Variants in CRBN observed in about 807,000 individuals in gnomAD.
The protein encoded by CRBN is protein cereblon.
A neutral mutation model predicts 62.2 loss-of-function variants in CRBN; 53 were observed. The ratio of observed to expected loss-of-function variants is 0.85; its 90% CI spans 0.68 to 1.07. CRBN has a LOEUF of 1.07. Ranked by LOEUF, CRBN falls within the 50% of genes least tolerant of loss-of-function variation. CRBN has a pLI of 0.00. For missense variants in CRBN, 616 were observed against 531.1 expected (o/e 1.16, Z -1.57); for synonymous variants, 208 against 176.1 (o/e 1.18, Z -1.43).
At chr3:3,173,866 T>C in intron 3 of CRBN, 193 bp downstream of exon 3, 5 of 617,824 alleles carry the variant, frequency 8.1e-6, no homozygotes, top group Non-Finnish European at 8.7e-6. Context: ...AGAGCTGAGT[T>C]AGATGGTAAT....
intron 9 of CRBN, 54 bp from the exon 10 acceptor site, chr3:3,152,641 T>G: frequency 8.1e-6 from 13 of 1,604,706 alleles, no homozygotes; most frequent in Non-Finnish European, 1.1e-5. Context: ...TCTAATTTTA[T>G]TAAATGCTTA....
chr3:3,177,728 A>G (rs1707883050), intron 1 of CRBN, among the ~76,000 whole-genome samples: 1 of 152,174 alleles, frequency 6.6e-6, no homozygotes. Context: ...TTCTTTAGTA[A>G]CCTTTTTTTC....
chr3:3,172,626 T>G (rs560247298), intron 4 of CRBN, 150 bp downstream of exon 4: 1 of 773,482 alleles, frequency 1.3e-6, no homozygotes, highest in East Asian at 2.6e-5. Flanking sequence ...CATAGCAAGG[T>G]TGGAAACCAC....
chr3:3,172,644 T>A (rs1232008416), intron 4 of CRBN, 132 bp downstream of exon 4: 20 of 935,160 alleles, frequency 2.1e-5, no homozygotes, highest in Non-Finnish European at 2.9e-5. Context: ...CACTGGGCTA[T>A]ACCTTAGAAG....
rs1401139815 is a variant in CRBN at position 3,150,876 on chromosome 3, G to A, written c.1318C>T (p.Leu440Phe). 3.7e-6 allele frequency: 6 copies of A among 1,613,532 alleles called. No homozygotes were observed. The highest frequency in any genetic ancestry group is 3.3e-5 in the South Asian group (3 of 91,058). ...EDEISPDKVI[L>F]CL ...TCTATCACATCTGTTTACAAGCAAA[G>A]TATTACTTTGTCTGGACTTATTTCA... The change falls in exon 11 of 11, where the codon CTT (leucine) becomes TTT (phenylalanine). Residue 440 changes from leucine to phenylalanine, a missense_variant. Leu to Phe is a conservative substitution (Grantham distance 22, BLOSUM62 0). Coordinates refer to ENST00000231948, the MANE Select transcript of CRBN (RefSeq NM_016302.4).
intron 4 of CRBN, among the ~76,000 whole-genome samples, chr3:3,168,761 G>A (rs1406501561): frequency 6.6e-6 from 1 of 152,128 alleles, no homozygotes; most frequent in Non-Finnish European, 1.5e-5. Context: ...GTGTTAGAAA[G>A]TATCTAAGTT....
intron 2 of CRBN, among the ~76,000 whole-genome samples, chr3:3,174,624 G>A (rs939953650): frequency 3.3e-5 from 5 of 151,902 alleles, no homozygotes; most frequent in Middle Eastern, 6.8e-3. Context: ...GAGCTTGGGC[G>A]ACAGAGCAAC....
chr3:3,155,163 G>C (rs1706829465), intron 6 of CRBN: 1 of 284,418 alleles, frequency 3.5e-6, no homozygotes, highest in African/African-American at 2.2e-5. Flanking sequence ...CAGTCCATAG[G>C]GATTATGGCA....
At chr3:3,162,558 T>C (rs1033665094) in intron 5 of CRBN, among the ~76,000 whole-genome samples, 1 of 152,184 alleles carries the variant, frequency 6.6e-6, no homozygotes, top group Non-Finnish European at 1.5e-5. Context: ...GTCAGAATGG[T>C]AGATAACACA....
intron 5 of CRBN, among the ~76,000 whole-genome samples, chr3:3,161,913 G>C (rs905396076): frequency 1.3e-5 from 2 of 152,124 alleles, no homozygotes; most frequent in African/African-American, 4.8e-5. Flanking sequence ...TAATACAAAA[G>C]AATCTCCTAT....
At position 3,150,968 on chromosome 3, in the gene CRBN, A is replaced by G. The variant is rs1445423460; in HGVS notation, c.1226T>C (p.Met409Thr). ...TAAGCCCCAAAATTTTTGAGGTGAC[A>G]TGTCTTTTTTGGTGGCCGTAAACTT... ...GWKFTATKKD[M>T]SPQKFWGLTR... Residue 409 changes from methionine (M) to threonine (T), a missense_variant, in exon 11 of 11, where the codon ATG becomes ACG. Met to Thr is a moderately conservative substitution (Grantham distance 81). Coordinates refer to ENST00000231948, the MANE Select transcript of CRBN (RefSeq NM_016302.4). 2.5e-6 allele frequency: 4 copies of G among 1,614,054 alleles called. No individual in the cohort carries two copies. The highest frequency in any genetic ancestry group is 2.2e-5 in the East Asian group (1 of 44,866).
intron 5 of CRBN, among the ~76,000 whole-genome samples, chr3:3,158,874 T>C (rs1267410801): frequency 6.6e-6 from 1 of 152,212 alleles, no homozygotes; most frequent in Non-Finnish European, 1.5e-5. Flanking sequence ...TCTTGAATTG[T>C]AGTTCCCATA....
intron 5 of CRBN, among the ~76,000 whole-genome samples, chr3:3,160,669 T>C (rs772421017): frequency 2.0e-5 from 3 of 152,312 alleles, no homozygotes; most frequent in Non-Finnish European, 2.9e-5. Flanking sequence ...TGAAACAGAT[T>C]CTCAAGTTCA....
At chr3:3,159,930 CA>C (rs1474096449) in intron 5 of CRBN, among the ~76,000 whole-genome samples, 2 of 152,280 alleles carry the variant, frequency 1.3e-5, no homozygotes, top group African/African-American at 4.8e-5. Flanking sequence ...TTAAATATAT[CA>C]ACACCATGAT....
intron 4 of CRBN, chr3:3,172,459 T>C (rs1353851320): frequency 8.7e-6 from 3 of 345,550 alleles, no homozygotes; most frequent in Non-Finnish European, 1.6e-5. Flanking sequence ...ACACTTCCCT[T>C]TGGATTTACA....
At chr3:3,157,921 A>G (rs1045392702) in intron 5 of CRBN, among the ~76,000 whole-genome samples, 3 of 152,236 alleles carry the variant, frequency 2.0e-5, no homozygotes, top group Admixed American at 6.5e-5. Flanking sequence ...TCAAGTGGAC[A>G]CACTGGTTTT....
rs797045482 is a variant in CRBN, at chr3:3,179,654, G to C, written c.34C>G (p.His12Asp). 2.1e-5 allele frequency: 34 copies of C among 1,613,098 alleles called. 1 individual carries two copies. The highest frequency in any genetic ancestry group is 1.2e-4 in the Admixed American group (7 of 59,984). Residue 12 changes from histidine (H) to aspartate (D), a missense_variant, in exon 1 of 11, where the codon CAC becomes GAC. Transcript: ENST00000231948. Reference sequence around the variant, plus strand: ...AGCGGCAGGTGGTTGCCCATGTTGTGCGCAGCGTCCTGCTGATCTCCTTCG... The same window carrying C: ...AGCGGCAGGTGGTTGCCCATGTTGTCCGCAGCGTCCTGCTGATCTCCTTCG... ...AGEGDQQDAA[H>D]NMGNHLPLLP...
chr3:3,173,962 G>A, intron 3 of CRBN, 97 bp downstream of exon 3: 1 of 1,043,008 alleles, frequency 9.6e-7, no homozygotes. Flanking sequence ...AACCTCTCCT[G>A]TACATGCGAA....
intron 5 of CRBN, among the ~76,000 whole-genome samples, chr3:3,161,802 G>A (rs935331358): frequency 6.6e-6 from 1 of 152,158 alleles, no homozygotes; most frequent in African/African-American, 2.4e-5. Flanking sequence ...ATTTGTACAT[G>A]TTATTTAGTA....
Sources: gnomAD v4.1 joint callset for allele counts (sites outside exome capture counted in the v4.1 genomes callset) on GRCh38, gnomAD v4.1.1 for gene constraint, MANE v1.5 for transcripts, NCBI Gene and HGNC (gene_info 2026-07-23, HGNC 2026-07-21) for gene names.